Variants in DOCK3 observed in about 807,000 individuals in gnomAD.
DOCK3 encodes dedicator of cytokinesis protein 3.
In DOCK3, 60 loss-of-function variants were observed where a neutral mutation model predicts 265.6. The ratio of observed to expected loss-of-function variants is 0.23; its 90% CI spans 0.18 to 0.28. DOCK3 has a LOEUF of 0.28. Among genes scored for constraint, DOCK3 ranks in the 10% least tolerant of loss-of-function variants. The pLI is 1.00. For missense variants in DOCK3, 1,981 were observed against 2,594.3 expected, an observed-to-expected ratio of 0.76 and a Z score of 5.14; for synonymous variants, 881 against 938.0, an observed-to-expected ratio of 0.94 and a Z score of 1.11.
At chr3:50,717,985 T>C (rs1393904402) in intron 1 of DOCK3, among the ~76,000 whole-genome samples, 3 of 152,210 alleles carry the variant, frequency 2.0e-5, no homozygotes, top group Non-Finnish European at 4.4e-5. Flanking sequence ...GTTTGTGTTA[T>C]ATTAAGCATT....
chr3:50,676,563 C>A (rs1250612234), intron 1 of DOCK3, among the ~76,000 whole-genome samples: 1 of 152,178 alleles, frequency 6.6e-6, no homozygotes, highest in Non-Finnish European at 1.5e-5. Context: ...TGAGTTGATT[C>A]TGTGAAGTGA....
chr3:50,859,295 AGCCTCTGCC>A (rs1001343056), intron 3 of DOCK3, among the ~76,000 whole-genome samples: 21 of 138,816 alleles, frequency 1.5e-4, no homozygotes, highest in Non-Finnish European at 3.2e-4. Context: ...GGCTCACTGC[AGCCTCTGCC>A]TCCCAGGTTT....
intron 4 of DOCK3, among the ~76,000 whole-genome samples, chr3:50,925,101 C>T (rs2050691523): frequency 6.6e-6 from 1 of 152,110 alleles, no homozygotes; most frequent in South Asian, 2.1e-4. Context: ...TATGTCACTA[C>T]CCTGCCTTTT....
chr3:51,079,557 T>C (rs954105360), intron 7 of DOCK3, among the ~76,000 whole-genome samples: 1 of 152,070 alleles, frequency 6.6e-6, no homozygotes, highest in Non-Finnish European at 1.5e-5. Context: ...TTCGCCATGT[T>C]GCCCAGGCTA....
intron 5 of DOCK3, among the ~76,000 whole-genome samples, chr3:51,053,157 T>C (rs1171659991): frequency 7.6e-6 from 1 of 132,196 alleles, no homozygotes; most frequent in African/African-American, 2.8e-5. Context: ...CTACTTGGCA[T>C]TGAACAAAAA....
intron 21 of DOCK3, among the ~76,000 whole-genome samples, chr3:51,242,023 G>T (rs1172167704): frequency 6.6e-6 from 1 of 152,052 alleles, no homozygotes; most frequent in Non-Finnish European, 1.5e-5. Context: ...TCCTTGTGCT[G>T]GTTCTTTTTC....
intron 1 of DOCK3, chr3:50,685,404 T>G (rs574238406): frequency 6.5e-6 from 1 of 152,804 alleles, no homozygotes; most frequent in African/African-American, 2.4e-5. Context: ...GGTCCCCTAC[T>G]ACCAGTTCCA....
intron 39 of DOCK3, 133 bp downstream of exon 39, chr3:51,349,071 A>G: frequency 1.2e-6 from 1 of 825,050 alleles, no homozygotes. Context: ...TCCTGCCCTC[A>G]GGACACTTGC....
chr3:51,084,409 G>A (rs948488220), intron 7 of DOCK3, among the ~76,000 whole-genome samples: 5 of 152,190 alleles, frequency 3.3e-5, no homozygotes, highest in African/African-American at 1.2e-4. Flanking sequence ...TTCTAGACCA[G>A]GAGAGAATGG....
At chr3:51,362,080 T>A in intron 48 of DOCK3, 83 bp downstream of exon 48, 1 of 1,475,388 alleles carries the variant, frequency 6.8e-7, no homozygotes, top group East Asian at 2.5e-5. Context: ...GTCTGAGGGC[T>A]TGGCAACCCT....
chr3:51,264,322 C>T (rs756554678), intron 23 of DOCK3, among the ~76,000 whole-genome samples: 9 of 152,026 alleles, frequency 5.9e-5, no homozygotes, highest in East Asian at 5.8e-4. Context: ...GGGTACATAA[C>T]GAAATTAAGG....
chr3:51,113,830 G>T lies in DOCK3; in HGVS notation c.746+23446G>T, dbSNP rs557399012. On this transcript the variant is annotated intron_variant, in intron 9 of 52. Transcript: ENST00000266037. The stretch of plus-strand genomic sequence containing the variant: ...TAGCGTCAACAAAATTTGAGAGTTT[G>T]TTAGAAATTGATTGTCACGGCCTGT... 2.6e-5 allele frequency among the ~76,000 whole-genome samples: 4 copies of T among 152,308 alleles called. No homozygotes were observed. In the East Asian group the frequency reaches 5.8e-4, roughly 22 times the overall value.
chr3:51,328,741 C>A (rs1252513937), intron 32 of DOCK3, among the ~76,000 whole-genome samples: 1 of 152,100 alleles, frequency 6.6e-6, no homozygotes, highest in East Asian at 1.9e-4. Flanking sequence ...CCTTAGGATT[C>A]TTTGCTCTCT....
intron 49 of DOCK3, among the ~76,000 whole-genome samples, chr3:51,370,974 G>A (rs2110489055): frequency 2.0e-5 from 3 of 152,268 alleles, no homozygotes; most frequent in Admixed American, 2.0e-4. Flanking sequence ...TGTGACTTAG[G>A]CTTCTCACAG....
chr3:50,787,988 G>C, intron 2 of DOCK3: 1 of 822,852 alleles, frequency 1.2e-6, no homozygotes, highest in South Asian at 1.4e-5. Flanking sequence ...TGTGTCATCA[G>C]AATTCTCCTG....
intron 10 of DOCK3, among the ~76,000 whole-genome samples, chr3:51,149,628 A>G (rs4263322): frequency 0.91 from 138,339 of 151,784 alleles, 63,186 homozygotes; most frequent in African/African-American, 0.95. Context: ...TTCTGTTTAT[A>G]TGCTGGATTA....
At chr3:51,266,377 C>T (rs1175910202) in intron 23 of DOCK3, among the ~76,000 whole-genome samples, 1 of 152,184 alleles carries the variant, frequency 6.6e-6, no homozygotes, top group African/African-American at 2.4e-5. Context: ...CCAAGTCAAT[C>T]CTAAGCCAAA....
At chr3:51,009,287 A>G (rs1248647221) in intron 5 of DOCK3, among the ~76,000 whole-genome samples, 1 of 152,108 alleles carries the variant, frequency 6.6e-6, no homozygotes, top group Non-Finnish European at 1.5e-5. Context: ...TATTGCCTCA[A>G]TTTCAGAGCC....
chr3:51,169,943 T>C (rs2086594316), intron 12 of DOCK3, among the ~76,000 whole-genome samples: 1 of 152,190 alleles, frequency 6.6e-6, no homozygotes, highest in South Asian at 2.1e-4. Context: ...GCATCTGTGT[T>C]CATCAGAAAT....
Sources: gnomAD v4.1 joint callset for allele counts (sites outside exome capture counted in the v4.1 genomes callset) on GRCh38, gnomAD v4.1.1 for gene constraint, MANE v1.5 for transcripts, NCBI Gene and HGNC (gene_info 2026-07-23, HGNC 2026-07-21) for gene names.